The following CACNA2D2 variants were observed in gnomAD, a reference collection of about 807,000 sequenced individuals.
CACNA2D2 encodes calcium voltage-gated channel auxiliary subunit alpha2delta 2, also known as voltage-dependent calcium channel subunit alpha-2/delta-2.
A neutral mutation model predicts 166.4 loss-of-function variants in CACNA2D2; 48 were observed. That is an observed-to-expected ratio of 0.29 (90% CI 0.23 to 0.37). CACNA2D2 has a LOEUF of 0.37. Ranked by LOEUF, CACNA2D2 falls within the 10% of genes least tolerant of loss-of-function variation. The pLI, the probability that CACNA2D2 is intolerant of heterozygous loss-of-function variation, is 1.00. For synonymous variants in CACNA2D2, 561 were observed against 573.7 expected (o/e 0.98, Z 0.32); for missense variants, 1,122 against 1,433.0 (o/e 0.78, Z 3.50).
At chr3:50,494,344 CG>C (rs1391831129) in intron 1 of CACNA2D2, among the ~76,000 whole-genome samples, 9 of 152,048 alleles carry the variant, frequency 5.9e-5, no homozygotes, top group Non-Finnish European at 1.5e-5. Context: ...GCGTTTTAGG[CG>C]GGGCCAGCAG....
At position 50,380,943 on chromosome 3, in the gene CACNA2D2, GA is replaced by G. The variant is rs1163664754; in HGVS notation, c.784+51del. 1 of 1,604,920 alleles carries G rather than the reference GA, an allele frequency of 6.2e-7. No individual in the cohort carries two copies. The highest frequency in any genetic ancestry group is 1.3e-5 in the African/African-American group (1 of 74,808). ...TGCCCCCAGGATGGGTGGGCTGGTA[GA>G]TGGAGAAAGGCGAGGTGCTGGGTAG... On this transcript the variant is annotated intron_variant, in intron 7 of 37. Transcript: ENST00000424201. This position sits in a 1 kb window ranked among gnomAD's most constrained non-coding sequence, Gnocchi z 4.9.
chr3:50,393,980 G>A (rs1332752020), intron 4 of CACNA2D2, 129 bp downstream of exon 4: 12 of 758,712 alleles, frequency 1.6e-5, no homozygotes, highest in South Asian at 8.1e-5. Context: ...GTTGGACACC[G>A]GCTTCTGGCT....
rs1390548886 is a variant in CACNA2D2, at chr3:50,367,718, G to C, written c.2235-14C>G. On this transcript the variant is annotated splice_polypyrimidine_tract_variant and intron_variant, in intron 25 of 37. Coordinates refer to ENST00000424201, the MANE Select transcript of CACNA2D2 (RefSeq NM_006030.4). The surrounding 1 kb of genome is among the most constrained non-coding windows in gnomAD (Gnocchi z 6.5). The stretch of plus-strand genomic sequence containing the variant: ...AGTAGGCTGTACCTGGGGGTAGCAG[G>C]GGGGTGGGGTCACAGGCCTGCCTTC... 2 of 1,612,294 alleles carry C rather than the reference G, an allele frequency of 1.2e-6. No homozygotes were observed. The highest frequency in any genetic ancestry group is 4.5e-5 in the East Asian group (2 of 44,844).
intron 3 of CACNA2D2, among the ~76,000 whole-genome samples, chr3:50,407,878 G>A (rs796066318): frequency 1.3e-5 from 2 of 152,372 alleles, no homozygotes; most frequent in South Asian, 4.1e-4. Flanking sequence ...TGCCCAGAGG[G>A]CAAAGATGTG....
intron 6 of CACNA2D2, among the ~76,000 whole-genome samples, chr3:50,381,934 C>A (rs1705339799): frequency 1.3e-5 from 2 of 151,614 alleles, no homozygotes; most frequent in Admixed American, 6.6e-5. Context: ...CCCTTCCCCC[C>A]AACCCTTGTA....
chr3:50,489,690 A>C (rs1698443777), intron 1 of CACNA2D2, among the ~76,000 whole-genome samples: 1 of 151,658 alleles, frequency 6.6e-6, no homozygotes, highest in African/African-American at 2.4e-5. Flanking sequence ...CCCCTACTCA[A>C]CTCCTGCCCC....
At chr3:50,430,968 C>T (rs761045982) in intron 3 of CACNA2D2, among the ~76,000 whole-genome samples, 1 of 152,156 alleles carries the variant, frequency 6.6e-6, no homozygotes, top group African/African-American at 2.4e-5. Context: ...GCCCCAGCAA[C>T]CACCCTTTGC....
intron 2 of CACNA2D2, among the ~76,000 whole-genome samples, chr3:50,462,427 A>G (rs141141714): frequency 1.0e-3 from 144 of 144,482 alleles, no homozygotes; most frequent in African/African-American, 3.2e-3. Flanking sequence ...TAATAATAAT[A>G]ATAATGATAA....
chr3:50,498,019 G>T (rs1290420469), intron 1 of CACNA2D2, among the ~76,000 whole-genome samples: 3 of 152,152 alleles, frequency 2.0e-5, no homozygotes, highest in Non-Finnish European at 4.4e-5. Context: ...GTCCTCCCCA[G>T]CATGTCCTCC....
At chr3:50,446,419 C>T (rs1479401753) in intron 2 of CACNA2D2, among the ~76,000 whole-genome samples, 2 of 152,218 alleles carry the variant, frequency 1.3e-5, no homozygotes, top group African/African-American at 4.8e-5. Context: ...CATGGACTTA[C>T]CACATGCATG....
In CACNA2D2 at chr3:50,474,715, G is replaced by C. The variant is rs929190685; in HGVS notation, c.288+1403C>G. 3.9e-5 allele frequency among the ~76,000 whole-genome samples: 6 copies of C among 152,304 alleles called. No individual in the cohort carries two copies. The Middle Eastern group carries it at 0.017, about 432-fold the overall frequency. ...GGAAAGGTGCTGGCTGCACACATCA[G>C]GGAGCTATCATTCCTTCATTAGCCC... On this transcript the variant is annotated intron_variant, in intron 2 of 37. Transcript: ENST00000424201.
Position 50,364,452 on chromosome 3 carries a change from C to T in CACNA2D2, c.*214G>A. 3.3e-6 allele frequency: 2 copies of T among 609,750 alleles called. No homozygotes were observed. Among genetic ancestry groups the T allele is most frequent in the Non-Finnish European group, 5.6e-6 (2 of 354,548 alleles). The allele number at this position is 609,750 out of a possible 1,614,324, so 37.8% of individuals were successfully genotyped here. ...AGGGTCTGGGGACACTTGAACAGTT[C>T]GGAGGTGAGATGTGATTTGGGTGCC... On this transcript the variant is annotated 3_prime_UTR_variant, in exon 38 of 38. Coordinates refer to ENST00000424201, the MANE Select transcript of CACNA2D2 (RefSeq NM_006030.4).
intron 2 of CACNA2D2, among the ~76,000 whole-genome samples, chr3:50,468,634 C>T (rs1709936220): frequency 6.6e-6 from 1 of 151,920 alleles, no homozygotes; most frequent in Non-Finnish European, 1.5e-5. Context: ...AACTGAGGGA[C>T]AGAGAACCCA....
At chr3:50,370,514 C>T (rs1045299753) in intron 22 of CACNA2D2, 134 bp from the exon 23 acceptor site, 3 of 650,922 alleles carry the variant, frequency 4.6e-6, no homozygotes, top group Non-Finnish European at 8.5e-6. Context: ...AGAGGAAACC[C>T]GCCATTTCCA....
At chr3:50,409,503 C>T (rs114262394) in intron 3 of CACNA2D2, among the ~76,000 whole-genome samples, 111 of 152,356 alleles carry the variant, frequency 7.3e-4, no homozygotes, top group Non-Finnish European at 1.0e-3. Context: ...GCACCAGCAC[C>T]GCCTGTGCTG....
intron 1 of CACNA2D2, among the ~76,000 whole-genome samples, chr3:50,499,098 G>A (rs2107187401): frequency 6.6e-6 from 1 of 152,336 alleles, no homozygotes; most frequent in Non-Finnish European, 1.5e-5. Context: ...GGGAGTGAGG[G>A]AGGGAGGTGG....
At chr3:50,467,060 TAGTGAG>T (rs955185716) in intron 2 of CACNA2D2, among the ~76,000 whole-genome samples, 7 of 152,094 alleles carry the variant, frequency 4.6e-5, no homozygotes, top group African/African-American at 1.7e-4. Flanking sequence ...CTGAGTGGTC[TAGTGAG>T]AGTGAAGGGG....
chr3:50,366,583 T>C lies in CACNA2D2; in HGVS notation c.2632A>G (p.Asn878Asp), dbSNP rs1704306506. The C allele has an allele frequency of 6.2e-7, 1 of 1,613,846 alleles. No individual in the cohort carries two copies. The highest frequency in any genetic ancestry group is 1.3e-5 in the African/African-American group (1 of 74,884). The change falls in exon 30 of 38, where the codon AAT (asparagine) becomes GAT (aspartate). Residue 878 changes from asparagine to aspartate, a missense_variant. This residue lies in a region of CACNA2D2 where 840 missense variants were observed against 1,166.8 expected (regional missense o/e 0.72). Transcript: ENST00000424201. This position sits in a 1 kb window ranked among gnomAD's most constrained non-coding sequence, Gnocchi z 5.9. ...SHCEMDCEVN[N>D]EDLLCVLIDD... The stretch of plus-strand genomic sequence containing the variant: ...TAGGTTCAGGGCACACACACCTCAT[T>C]GTTAACCTCGCAGTCCATCTCACAG...
At chr3:50,421,925 GACATCT>G in intron 3 of CACNA2D2, among the ~76,000 whole-genome samples, 1 of 152,200 alleles carries the variant, frequency 6.6e-6, no homozygotes, top group African/African-American at 2.4e-5. Context: ...GGTGTCGGCA[GACATCT>G]GAGGAAGGAA....
Sources: gnomAD v4.1 joint callset for allele counts (sites outside exome capture counted in the v4.1 genomes callset) on GRCh38, gnomAD v4.1.1 for gene constraint, gnomAD v4.1.1 regional missense constraint, Gnocchi (gnomAD v3.1) non-coding constraint, MANE v1.5 for transcripts, NCBI Gene and HGNC (gene_info 2026-07-23, HGNC 2026-07-21) for gene names.